The following RNF216 variants were observed in gnomAD, a reference collection of about 807,000 sequenced individuals.
The protein encoded by RNF216 is E3 ubiquitin-protein ligase RNF216.
In RNF216, 72 loss-of-function variants were observed where a neutral mutation model predicts 110.8. That is an observed-to-expected ratio of 0.65 (90% CI 0.54 to 0.79). The LOEUF (loss-of-function observed/expected upper bound fraction) is 0.79, where lower values mean the gene tolerates loss of function less well. Ranked by LOEUF, RNF216 falls within the 30% of genes least tolerant of loss-of-function variation. RNF216 has a pLI of 0.00. For missense variants in RNF216, 1,342 were observed against 1,141.2 expected (o/e 1.18, Z -2.54); for synonymous variants, 495 against 407.5 (o/e 1.21, Z -2.59).
At chr7:5,760,378 T>A (rs2128670184) in intron 2 of RNF216, 1 of 305,808 alleles carries the variant, frequency 3.3e-6, no homozygotes, top group Non-Finnish European at 6.6e-6. Flanking sequence ...TAGCAGGGCG[T>A]AGTGGCACAT....
chr7:5,725,286 T>A, intron 8 of RNF216, 38 bp downstream of exon 8: 1 of 1,178,408 alleles, frequency 8.5e-7, no homozygotes, highest in East Asian at 2.3e-5. Context: ...AGGTACAGTG[T>A]TGCAGCTACA....
chr7:5,764,552 G>A (rs1180493304), intron 1 of RNF216, among the ~76,000 whole-genome samples: 2 of 151,992 alleles, frequency 1.3e-5, no homozygotes, highest in East Asian at 3.9e-4. Flanking sequence ...GGAGGTTGAG[G>A]CGAGAGAATC....
intron 3 of RNF216, among the ~76,000 whole-genome samples, chr7:5,752,135 A>G (rs1584573507): frequency 6.6e-6 from 1 of 152,244 alleles, no homozygotes; most frequent in African/African-American, 2.4e-5. Flanking sequence ...CAGTGAGCCA[A>G]GATCGCGCCA....
At chr7:5,699,868 G>A (rs535696349) in intron 13 of RNF216, among the ~76,000 whole-genome samples, 9 of 152,326 alleles carry the variant, frequency 5.9e-5, no homozygotes, top group African/African-American at 2.2e-4. Context: ...GAGACCCTCT[G>A]TATTCTTTAT....
chr7:5,689,268 T>C (rs1791176931), intron 13 of RNF216, among the ~76,000 whole-genome samples: 1 of 151,632 alleles, frequency 6.6e-6, no homozygotes, highest in Admixed American at 6.6e-5. Flanking sequence ...TTGGCTAGTT[T>C]GTGAGGTATA....
intron 13 of RNF216, among the ~76,000 whole-genome samples, chr7:5,674,069 G>A (rs1002159261): frequency 2.7e-5 from 4 of 150,746 alleles, no homozygotes; most frequent in African/African-American, 9.8e-5. Context: ...TTGCCTTGTC[G>A]CCCAGGCTGG....
At chr7:5,641,569 T>C (rs978721468) in intron 14 of RNF216, among the ~76,000 whole-genome samples, 193 bp from the exon 15 acceptor site, 3 of 152,306 alleles carry the variant, frequency 2.0e-5, no homozygotes, top group South Asian at 4.1e-4. Context: ...TTCAGTAAAT[T>C]ACTCACCTGC....
chr7:5,639,530 C>T (rs1320451161), intron 15 of RNF216, among the ~76,000 whole-genome samples: 1 of 152,002 alleles, frequency 6.6e-6, no homozygotes, highest in Non-Finnish European at 1.5e-5. Context: ...GTGGCACGAT[C>T]TCAGCTCACT....
intron 10 of RNF216, 106 bp downstream of exon 10, chr7:5,716,610 G>T: frequency 1.2e-6 from 1 of 810,928 alleles, no homozygotes; most frequent in Non-Finnish European, 2.0e-6. Context: ...CACCAAACAG[G>T]AGGTTATCCA....
rs1370821202 is a variant in RNF216 at position 5,759,628 on chromosome 7, T to TTCC, written c.67+1374_67+1375insGGA. Among the ~76,000 whole-genome samples the TTCC allele has an allele frequency of 2.3e-3, 26 of 11,410 alleles. 1 individual carries two copies. The highest frequency in any genetic ancestry group is 4.7e-3 in the Admixed American group (4 of 852). The allele number at this position is 11,410 out of a possible 152,430, so 7.5% of individuals were successfully genotyped here. A position where few individuals can be genotyped will look rare whatever the true frequency, so the allele number is the denominator to read the frequency against. On this transcript the variant is annotated intron_variant, in intron 2 of 16. Transcript: ENST00000389902. Reference sequence around the variant, plus strand: ...TACTTAAGTTTTGGTGGAGTCATTTTTCTTCTTTTTTTTTTTTTTTTGAGA... The same window carrying TTCC: ...TACTTAAGTTTTGGTGGAGTCATTTTTCCTCTTCTTTTTTTTTTTTTTTTGAGA...
rs1786435229 is a variant in RNF216, at chr7:5,622,555, C to CT, written c.*304dup. 1 of 340,902 alleles carries CT rather than the reference C, an allele frequency of 2.9e-6. No individual in the cohort carries two copies. 21.1% of individuals were successfully genotyped at this position (340,902 alleles called of 1,614,324 possible). A position where few individuals can be genotyped will look rare whatever the true frequency, so the allele number is the denominator to read the frequency against. ...AGGCCCAGGTGTGAGCAGCAGGGAC[C>CT]TGGTCTATGGCCTATGCCATGGACA... On this transcript the variant is annotated 3_prime_UTR_variant, in exon 17 of 17. Coordinates refer to ENST00000389902, the MANE Select transcript of RNF216 (RefSeq NM_207111.4).
rs1168463360 is a variant in RNF216 at position 5,660,943 on chromosome 7, G to GTTTTT, written c.2062-8438_2062-8434dup. ...TAGCTCCATGCTCCTGAAGCCTTAG[G>GTTTTT]TTTTTTTTTTTTTTTTTTTTTTTTT... On this transcript the variant is annotated intron_variant, in intron 13 of 16. Coordinates refer to ENST00000389902, the MANE Select transcript of RNF216 (RefSeq NM_207111.4). 8.2e-3 allele frequency among the ~76,000 whole-genome samples: 737 copies of GTTTTT among 90,148 alleles called. 43 individuals are homozygous for GTTTTT. Among genetic ancestry groups the GTTTTT allele is most frequent in the African/African-American group, 0.038 (701 of 18,268 alleles). 59.1% of individuals were successfully genotyped at this position (90,148 alleles called of 152,430 possible).
intron 13 of RNF216, among the ~76,000 whole-genome samples, chr7:5,664,721 A>G (rs1352335778): frequency 1.3e-5 from 2 of 152,222 alleles, no homozygotes; most frequent in Non-Finnish European, 1.5e-5. Context: ...ACTGGCCAGC[A>G]TTCTCCTCTG....
At chr7:5,648,342 G>C (rs1489863393) in intron 14 of RNF216, among the ~76,000 whole-genome samples, 1 of 151,466 alleles carries the variant, frequency 6.6e-6, no homozygotes, top group Non-Finnish European at 1.5e-5. Flanking sequence ...CCCGACCTCA[G>C]GTGATCCGCC....
chr7:5,716,615 T>C, intron 10 of RNF216, 101 bp downstream of exon 10: 1 of 901,100 alleles, frequency 1.1e-6, no homozygotes. Flanking sequence ...AACAGGAGGT[T>C]ATCCAAAAAC....
At chr7:5,665,949 A>C (rs1789483438) in intron 13 of RNF216, among the ~76,000 whole-genome samples, 1 of 152,126 alleles carries the variant, frequency 6.6e-6, no homozygotes, top group Non-Finnish European at 1.5e-5. Context: ...GCGGATCCCG[A>C]GGTCAGGAGA....
chr7:5,651,568 T>C (rs1269816245), intron 14 of RNF216, among the ~76,000 whole-genome samples: 2 of 152,108 alleles, frequency 1.3e-5, no homozygotes, highest in African/African-American at 2.4e-5. Context: ...GAGATAGATA[T>C]GCACCCTCAG....
intron 15 of RNF216, among the ~76,000 whole-genome samples, chr7:5,636,900 C>T (rs1787429660): frequency 6.6e-6 from 1 of 152,152 alleles, no homozygotes; most frequent in South Asian, 2.1e-4. Flanking sequence ...ATGAGAAACC[C>T]ACACCATCAA....
chr7:5,670,293 T>G (rs1442767144), intron 13 of RNF216, among the ~76,000 whole-genome samples: 1 of 152,032 alleles, frequency 6.6e-6, no homozygotes, highest in East Asian at 1.9e-4. Flanking sequence ...TTCCTGCACA[T>G]GCACTGCTCC....
Sources: gnomAD v4.1 joint callset for allele counts (sites outside exome capture counted in the v4.1 genomes callset) on GRCh38, gnomAD v4.1.1 for gene constraint, MANE v1.5 for transcripts, NCBI Gene and HGNC (gene_info 2026-07-23, HGNC 2026-07-21) for gene names.